CTNND2: variants seen among roughly 807,000 people sequenced by gnomAD.
The protein encoded by CTNND2 is catenin delta-2.
A neutral mutation model predicts 144.4 loss-of-function variants in CTNND2; 22 were observed. That is an observed-to-expected ratio of 0.15 (90% confidence interval 0.11 to 0.22). The LOEUF (loss-of-function observed/expected upper bound fraction) is 0.22. Among genes scored for constraint, CTNND2 ranks in the 10% least tolerant of loss-of-function variants. The pLI, the probability that CTNND2 is intolerant of heterozygous loss-of-function variation, is 1.00. For synonymous variants in CTNND2, 751 were observed against 695.6 expected (o/e 1.08, Z -1.25); for missense variants, 1,353 against 1,618.8 (o/e 0.84, Z 2.82).
At chr5:11,194,060 T>C (rs1337039586) in intron 11 of CTNND2, among the ~76,000 whole-genome samples, 2 of 152,082 alleles carry the variant, frequency 1.3e-5, no homozygotes, top group African/African-American at 4.8e-5. Flanking sequence ...GAGAAGAGAA[T>C]GGAAGGAGTA....
chr5:11,493,879 G>C (rs180743969), intron 3 of CTNND2, among the ~76,000 whole-genome samples: 1 of 152,198 alleles, frequency 6.6e-6, no homozygotes, highest in Non-Finnish European at 1.5e-5. Flanking sequence ...TAGGAAAAAG[G>C]TTAAGGATAT....
intron 3 of CTNND2, among the ~76,000 whole-genome samples, chr5:11,471,942 C>T (rs906560995): frequency 3.3e-5 from 5 of 152,184 alleles, no homozygotes; most frequent in Non-Finnish European, 7.4e-5. Flanking sequence ...TTGTTTTTAA[C>T]ACAAGCTGGC....
At chr5:11,838,538 G>A (rs960932008) in intron 1 of CTNND2, among the ~76,000 whole-genome samples, 1 of 152,092 alleles carries the variant, frequency 6.6e-6, no homozygotes, top group African/African-American at 2.4e-5. Context: ...GGGGTTTGAG[G>A]TAATAGGATT....
intron 16 of CTNND2, among the ~76,000 whole-genome samples, chr5:11,029,257 T>C (rs565392156): frequency 6.6e-6 from 1 of 152,336 alleles, no homozygotes; most frequent in Non-Finnish European, 1.5e-5. Context: ...CTGTCTTTGA[T>C]TGGAGAGTTT....
chr5:11,662,213 A>G (rs202159730), intron 2 of CTNND2, among the ~76,000 whole-genome samples: 119 of 102,346 alleles, frequency 1.2e-3, no homozygotes, highest in African/African-American at 5.0e-3. Context: ...ATGTATATAT[A>G]TACATATATG....
At chr5:11,877,495 T>C (rs1405016572) in intron 1 of CTNND2, among the ~76,000 whole-genome samples, 1 of 152,104 alleles carries the variant, frequency 6.6e-6, no homozygotes, top group Non-Finnish European at 1.5e-5. Flanking sequence ...CTATAAGAAA[T>C]AAGCATATGT....
At chr5:11,343,580 A>T (rs996177252) in intron 9 of CTNND2, among the ~76,000 whole-genome samples, 1 of 152,206 alleles carries the variant, frequency 6.6e-6, no homozygotes, top group Non-Finnish European at 1.5e-5. Flanking sequence ...AGAAATAAAA[A>T]TGTTCGTGCC....
At chr5:11,111,352 TATC>T (rs1405926864) in intron 13 of CTNND2, among the ~76,000 whole-genome samples, 8 of 152,182 alleles carry the variant, frequency 5.3e-5, no homozygotes, top group South Asian at 2.1e-4. Context: ...AGATCCCAAA[TATC>T]ATCCACTAAC....
intron 9 of CTNND2, among the ~76,000 whole-genome samples, chr5:11,240,083 G>A (rs1327432602): frequency 6.6e-6 from 1 of 151,694 alleles, no homozygotes; most frequent in Admixed American, 6.6e-5. Context: ...AGAAGAGCAA[G>A]AGTCATTCCT....
chr5:11,462,975 A>G (rs1460126508), intron 3 of CTNND2, among the ~76,000 whole-genome samples: 2 of 152,214 alleles, frequency 1.3e-5, no homozygotes, highest in African/African-American at 4.8e-5. Flanking sequence ...AATGTGGACC[A>G]TCCATCAATC....
chr5:11,154,704 G>A (rs190237466), intron 12 of CTNND2, among the ~76,000 whole-genome samples: 16 of 152,158 alleles, frequency 1.1e-4, no homozygotes, highest in African/African-American at 3.6e-4. Flanking sequence ...TAAAACAACC[G>A]AAACTTATTA....
At chr5:11,159,056 T>C (rs1040664267) in intron 12 of CTNND2, among the ~76,000 whole-genome samples, 1 of 152,186 alleles carries the variant, frequency 6.6e-6, no homozygotes. Context: ...TTTCATTATT[T>C]AAAAAACCAT....
chr5:11,713,906 G>GA (rs2126699954), intron 2 of CTNND2, among the ~76,000 whole-genome samples: 1 of 151,616 alleles, frequency 6.6e-6, no homozygotes, highest in South Asian at 2.1e-4. Context: ...CGTTCACCTG[G>GA]AAGTGTGGCA....
At chr5:11,803,400 A>G (rs1791804879) in intron 1 of CTNND2, among the ~76,000 whole-genome samples, 1 of 152,222 alleles carries the variant, frequency 6.6e-6, no homozygotes, top group Admixed American at 6.5e-5. Context: ...TTGAAAAATC[A>G]TCTTTGCTCC....
intron 3 of CTNND2, among the ~76,000 whole-genome samples, chr5:11,536,776 C>A (rs1479737500): frequency 6.6e-6 from 1 of 151,990 alleles, no homozygotes; most frequent in Non-Finnish European, 1.5e-5. Context: ...GGGTACAGTG[C>A]GCACTGTTCG....
At chr5:11,701,011 T>C (rs1031075962) in intron 2 of CTNND2, among the ~76,000 whole-genome samples, 1 of 152,214 alleles carries the variant, frequency 6.6e-6, no homozygotes, top group Non-Finnish European at 1.5e-5. Context: ...AAAGGGCAGT[T>C]ATTTTATTAA....
chr5:11,384,739 G>A lies in CTNND2; in HGVS notation c.1103C>T (p.Ala368Val), dbSNP rs138057092. 2 of 1,612,614 alleles carry A rather than the reference G, an allele frequency of 1.2e-6. No homozygotes were observed. The highest frequency in any genetic ancestry group is 1.7e-6 in the Non-Finnish European group (2 of 1,179,674). The change falls in exon 7 of 22, where the codon GCG becomes GTG. Residue 368 changes from alanine to valine, a missense_variant. By Grantham distance (64) the Ala-to-Val change is moderately conservative. Transcript: ENST00000304623. This position sits in a 1 kb window ranked among gnomAD's most constrained non-coding sequence, Gnocchi z 5.2. ...TLSPTKRLVH[A>V]SEQYSKHSQE... ...CGAGTGCTTGCTGTACTGCTCGGACGCGTGGACCAGGCGCTTGGTGGGCGA... is the reference window on the plus strand; with the variant it reads ...CGAGTGCTTGCTGTACTGCTCGGACACGTGGACCAGGCGCTTGGTGGGCGA...
At chr5:11,165,664 T>C (rs1759251736) in intron 11 of CTNND2, among the ~76,000 whole-genome samples, 1 of 152,208 alleles carries the variant, frequency 6.6e-6, no homozygotes, top group Non-Finnish European at 1.5e-5. Context: ...CGAAGACATT[T>C]ACGTATACTA....
Position 11,345,979 on chromosome 5 carries a change from T to C in CTNND2, c.1628+393A>G, listed in dbSNP as rs545302479. Among the ~76,000 whole-genome samples the C allele has an allele frequency of 2.6e-5, 4 of 152,158 alleles. No individual in the cohort carries two copies. In the South Asian group the frequency reaches 8.3e-4, roughly 32 times the overall value. On this transcript the variant is annotated intron_variant, in intron 9 of 21. Coordinates refer to ENST00000304623, the MANE Select transcript of CTNND2 (RefSeq NM_001332.4). ...GCTTGGAAGGTGTACCCCTTTGCAATCTGATAAATAGAAATACGCATGATG... is the reference window on the plus strand; with the variant it reads ...GCTTGGAAGGTGTACCCCTTTGCAACCTGATAAATAGAAATACGCATGATG...
Sources: gnomAD v4.1 joint callset for allele counts (sites outside exome capture counted in the v4.1 genomes callset) on GRCh38, gnomAD v4.1.1 for gene constraint, Gnocchi (gnomAD v3.1) non-coding constraint, MANE v1.5 for transcripts, NCBI Gene and HGNC (gene_info 2026-07-23, HGNC 2026-07-21) for gene names.